The following CTNNA3 variants were observed in gnomAD, a reference collection of about 807,000 sequenced individuals.
CTNNA3 encodes the protein catenin alpha-3.
In CTNNA3, 76 loss-of-function variants were observed where a neutral mutation model predicts 95.7. That is an observed-to-expected ratio of 0.79 (90% CI 0.66 to 0.96). The LOEUF (loss-of-function observed/expected upper bound fraction) is 0.96. Ranked by LOEUF, CTNNA3 falls within the 40% of genes least tolerant of loss-of-function variation. The probability of loss-of-function intolerance (pLI) is 0.00; values close to 1 mark genes in which losing one functional copy is unlikely to be tolerated. For missense variants in CTNNA3, 1,191 were observed against 1,089.8 expected (o/e 1.09, Z -1.31); for synonymous variants, 431 against 374.4 (o/e 1.15, Z -1.74).
chr10:66,248,633 G>C (rs572661737), intron 13 of CTNNA3, among the ~76,000 whole-genome samples: 6 of 152,228 alleles, frequency 3.9e-5, no homozygotes, highest in African/African-American at 1.2e-4. Context: ...GATGAAAACT[G>C]TAAGAAGAAA....
At chr10:66,967,281 C>T (rs1198835871) in intron 7 of CTNNA3, among the ~76,000 whole-genome samples, 2 of 150,710 alleles carry the variant, frequency 1.3e-5, no homozygotes, top group Admixed American at 1.3e-4. Flanking sequence ...AGGTCATCTG[C>T]TAGTGGATAG....
chr10:67,317,715 C>G (rs1055676475), intron 5 of CTNNA3, among the ~76,000 whole-genome samples: 1 of 152,240 alleles, frequency 6.6e-6, no homozygotes, highest in South Asian at 2.1e-4. Flanking sequence ...TGAGCCACCG[C>G]GCCTGGCCAT....
chr10:67,034,109 T>C (rs1223726427), intron 7 of CTNNA3, among the ~76,000 whole-genome samples: 1 of 152,116 alleles, frequency 6.6e-6, no homozygotes, highest in Non-Finnish European at 1.5e-5. Flanking sequence ...GCTGACACAT[T>C]GTTAGAACTG....
chr10:66,210,559 GA>G (rs1268397797), intron 13 of CTNNA3, among the ~76,000 whole-genome samples: 1 of 151,970 alleles, frequency 6.6e-6, no homozygotes. Context: ...GTTTCGATAA[GA>G]TTTTTTTTCA....
chr10:67,001,623 T>A (rs1851697777), intron 7 of CTNNA3, among the ~76,000 whole-genome samples: 1 of 152,120 alleles, frequency 6.6e-6, no homozygotes, highest in Non-Finnish European at 1.5e-5. Context: ...TCTTTAATAC[T>A]CAAAAAGAAT....
At chr10:66,099,514 T>C (rs1433868213) in intron 14 of CTNNA3, among the ~76,000 whole-genome samples, 2 of 152,070 alleles carry the variant, frequency 1.3e-5, no homozygotes, top group Non-Finnish European at 2.9e-5. Context: ...GTAAAACCTA[T>C]CTAAATATAA....
rs559895774 is a variant in CTNNA3, at chr10:66,987,271, C to A, written c.1047+193046G>T. 4.6e-5 allele frequency among the ~76,000 whole-genome samples: 7 copies of A among 152,210 alleles called. 1 individual carries two copies. In the South Asian group the frequency reaches 1.5e-3, roughly 32 times the overall value. On this transcript the variant is annotated intron_variant, in intron 7 of 17. Transcript: ENST00000433211. The stretch of plus-strand genomic sequence containing the variant: ...GTGGCACATGACATGACCTGATTGA[C>A]ATTGTAACAGGGGAGCAAGGCAGAA...
chr10:67,161,658 T>A (rs980995362), intron 7 of CTNNA3, among the ~76,000 whole-genome samples: 1 of 151,938 alleles, frequency 6.6e-6, no homozygotes, highest in Non-Finnish European at 1.5e-5. Flanking sequence ...GATGGATAGG[T>A]AGATAGATTA....
intron 12 of CTNNA3, among the ~76,000 whole-genome samples, chr10:66,362,797 C>T (rs2092686253): frequency 6.6e-6 from 1 of 151,982 alleles, no homozygotes; most frequent in Non-Finnish European, 1.5e-5. Context: ...AGAGTTCTGT[C>T]AAATGTTTAT....
intron 17 of CTNNA3, among the ~76,000 whole-genome samples, chr10:65,930,199 TAAAAAAAAA>T (rs71472402): frequency 1.6e-5 from 1 of 60,716 alleles, no homozygotes; most frequent in South Asian, 8.3e-4. Context: ...CAGAGCTCAG[TAAAAAAAAA>T]AAAAAAAAAA....
At chr10:66,457,950 G>T (rs1232950186) in intron 11 of CTNNA3, among the ~76,000 whole-genome samples, 1 of 152,104 alleles carries the variant, frequency 6.6e-6, no homozygotes, top group African/African-American at 2.4e-5. Context: ...GATAGGTAGA[G>T]GGGGTAGGCT....
At chr10:66,586,997 G>A (rs7085556) in intron 10 of CTNNA3, among the ~76,000 whole-genome samples, 3,674 of 152,214 alleles carry the variant, frequency 0.024, 145 homozygotes, top group African/African-American at 0.084. Flanking sequence ...AGGCTGTACT[G>A]GAGAATATCT....
At chr10:66,023,102 C>A (rs2079256772) in intron 15 of CTNNA3, among the ~76,000 whole-genome samples, 1 of 145,812 alleles carries the variant, frequency 6.9e-6, no homozygotes, top group Non-Finnish European at 1.5e-5. Context: ...TTAAACCAAC[C>A]ATCTCTAGTA....
chr10:67,088,179 C>T (rs1857418226), intron 7 of CTNNA3, among the ~76,000 whole-genome samples: 1 of 151,178 alleles, frequency 6.6e-6, no homozygotes. Flanking sequence ...AATCCTCTGT[C>T]TTCTGCTTGC....
intron 7 of CTNNA3, among the ~76,000 whole-genome samples, chr10:67,019,992 C>T (rs1852898283): frequency 8.5e-6 from 1 of 118,252 alleles, no homozygotes; most frequent in South Asian, 3.5e-4. Context: ...CATTTAACAA[C>T]ATAATTGTGT....
chr10:66,429,180 T>C (rs1311609376), intron 11 of CTNNA3, among the ~76,000 whole-genome samples: 7 of 152,084 alleles, frequency 4.6e-5, no homozygotes, highest in Non-Finnish European at 8.8e-5. Flanking sequence ...CCTCTACACA[T>C]ACACCCTCCC....
intron 5 of CTNNA3, among the ~76,000 whole-genome samples, chr10:67,298,809 A>T (rs559752538): frequency 6.6e-6 from 1 of 152,364 alleles, no homozygotes; most frequent in South Asian, 2.1e-4. Context: ...AAATAGCATC[A>T]CAACCTACTT....
At position 67,195,883 on chromosome 10, in the gene CTNNA3, T is replaced by C. The variant is rs144277353; in HGVS notation, c.844-15363A>G. On this transcript the variant is annotated intron_variant, in intron 6 of 17. Coordinates refer to ENST00000433211, the MANE Select transcript of CTNNA3 (RefSeq NM_013266.4). ...ACATACTCTATATTCTCTGATGGGATTGACCTGATTTACACTGAAAATACT... is the reference window on the plus strand; with the variant it reads ...ACATACTCTATATTCTCTGATGGGACTGACCTGATTTACACTGAAAATACT... Among the ~76,000 whole-genome samples the C allele has an allele frequency of 1.3e-3, 196 of 152,226 alleles. 2 individuals are homozygous for C. The highest frequency in any genetic ancestry group is 4.6e-3 in the African/African-American group (193 of 41,566).
chr10:67,286,850 C>T lies in CTNNA3; in HGVS notation c.580-66980G>A, dbSNP rs184780089. On this transcript the variant is annotated intron_variant, in intron 5 of 17. Coordinates refer to ENST00000433211, the MANE Select transcript of CTNNA3 (RefSeq NM_013266.4). ...TTAATCTAGAGTTGATATAAAAATACTAGCTGTCTCAACTTAAGGCATTTC... is the reference window on the plus strand; with the variant it reads ...TTAATCTAGAGTTGATATAAAAATATTAGCTGTCTCAACTTAAGGCATTTC... Among the ~76,000 whole-genome samples the T allele has an allele frequency of 2.4e-3, 372 of 152,280 alleles. 3 individuals carry two copies. Among genetic ancestry groups the T allele is most frequent in the Middle Eastern group, 0.01 (3 of 294 alleles).
Sources: gnomAD v4.1 joint callset for allele counts (sites outside exome capture counted in the v4.1 genomes callset) on GRCh38, gnomAD v4.1.1 for gene constraint, MANE v1.5 for transcripts, NCBI Gene and HGNC (gene_info 2026-07-23, HGNC 2026-07-21) for gene names.